CLMN: variants seen among roughly 807,000 people sequenced by gnomAD.
CLMN encodes the protein calmin (calponin-like, transmembrane).
CLMN carries 57 observed loss-of-function variants against 92.7 expected under a neutral mutation model. The ratio of observed to expected loss-of-function variants is 0.61; its 90% CI spans 0.50 to 0.77. CLMN has a LOEUF of 0.77. Ranked by LOEUF, CLMN falls within the 30% of genes least tolerant of loss-of-function variation. CLMN has a pLI of 0.00. For synonymous variants in CLMN, 466 were observed against 470.6 expected, an observed-to-expected ratio of 0.99 and a Z score of 0.13; for missense variants, 1,158 against 1,237.5, an observed-to-expected ratio of 0.94 and a Z score of 0.96.
chr14:95,265,348 C>T (rs1199185586), intron 1 of CLMN, among the ~76,000 whole-genome samples: 1 of 152,224 alleles, frequency 6.6e-6, no homozygotes, highest in East Asian at 1.9e-4. Context: ...GCGTGACCTC[C>T]TCTGAGCAAG....
intron 12 of CLMN, chr14:95,193,290 G>T: frequency 1.4e-6 from 2 of 1,447,814 alleles, no homozygotes; most frequent in South Asian, 1.2e-5. Flanking sequence ...ATTAGGCCAG[G>T]CCAACAGTTC....
chr14:95,199,712 A>G (rs1896822491), intron 9 of CLMN, among the ~76,000 whole-genome samples: 1 of 152,314 alleles, frequency 6.6e-6, no homozygotes, highest in Non-Finnish European at 1.5e-5. Context: ...GGGAGGGAGC[A>G]ATGGCTCTGC....
chr14:95,200,937 G>GT (rs897783282), intron 9 of CLMN, among the ~76,000 whole-genome samples: 2 of 134,440 alleles, frequency 1.5e-5, no homozygotes, highest in African/African-American at 2.8e-5. Flanking sequence ...TACGATGACT[G>GT]TTTTTTTCTT....
At chr14:95,215,545 C>T in intron 5 of CLMN, 96 bp downstream of exon 5, 2 of 996,910 alleles carry the variant, frequency 2.0e-6, no homozygotes, top group South Asian at 1.3e-5. Flanking sequence ...ATAAACTAAG[C>T]CTCACTGCCT....
intron 6 of CLMN, among the ~76,000 whole-genome samples, chr14:95,212,679 G>C (rs973537327): frequency 6.6e-6 from 1 of 152,086 alleles, no homozygotes; most frequent in African/African-American, 2.4e-5. Context: ...AGGCTCCTCT[G>C]ATCTGTATTC....
intron 10 of CLMN, among the ~76,000 whole-genome samples, chr14:95,195,807 G>A (rs548519946): frequency 0.023 from 879 of 38,640 alleles, 8 homozygotes; most frequent in Non-Finnish European, 0.042. Context: ...CTATTGTGAC[G>A]ATGAGAGAGG....
Position 95,225,015 on chromosome 14 carries a change from C to A in CLMN, c.145-1160G>T, listed in dbSNP as rs115274716. 6.1e-3 allele frequency among the ~76,000 whole-genome samples: 921 copies of A among 152,198 alleles called. 9 individuals carry two copies. Among genetic ancestry groups the A allele is most frequent in the African/African-American group, 0.02 (851 of 41,520 alleles). On this transcript the variant is annotated intron_variant, in intron 2 of 12. Transcript: ENST00000298912. ...GAAGGGAAGAAGGCTTTCCTCACCC[C>A]ACGTGTGTAGACTTACTAGGAACTC...
chr14:95,315,098 G>T (rs1313517762), intron 1 of CLMN, among the ~76,000 whole-genome samples: 1 of 152,124 alleles, frequency 6.6e-6, no homozygotes, highest in Non-Finnish European at 1.5e-5. Flanking sequence ...TGAAAGGAAG[G>T]TCTAGAGATA....
At chr14:95,219,981 AAAC>A (rs976102550) in intron 4 of CLMN, among the ~76,000 whole-genome samples, 7 of 152,060 alleles carry the variant, frequency 4.6e-5, no homozygotes, top group East Asian at 1.9e-4. Context: ...CCACAGCCCA[AAAC>A]AACAACTAGT....
chr14:95,236,515 G>T (rs578030863), intron 1 of CLMN, among the ~76,000 whole-genome samples: 72 of 152,392 alleles, frequency 4.7e-4, no homozygotes, highest in African/African-American at 1.6e-3. Flanking sequence ...GGGAGGGGCT[G>T]CTGGCACCCA....
chr14:95,253,091 C>A (rs189285806), intron 1 of CLMN, among the ~76,000 whole-genome samples: 239 of 152,210 alleles, frequency 1.6e-3, no homozygotes, highest in African/African-American at 5.6e-3. Flanking sequence ...CTTGTGTGGA[C>A]CTTGGCAATT....
chr14:95,246,740 T>A (rs1898586940), intron 1 of CLMN, among the ~76,000 whole-genome samples: 2 of 152,226 alleles, frequency 1.3e-5, no homozygotes, highest in Admixed American at 6.5e-5. Context: ...GTGCAGGAAC[T>A]ACAGGCGTGA....
chr14:95,291,928 A>C (rs1465174958), intron 1 of CLMN, among the ~76,000 whole-genome samples: 1 of 152,260 alleles, frequency 6.6e-6, no homozygotes, highest in African/African-American at 2.4e-5. Context: ...AATAGGATCC[A>C]AAATTATATA....
intron 1 of CLMN, 64 bp from the exon 2 acceptor site, chr14:95,230,197 C>T: frequency 6.9e-7 from 1 of 1,451,254 alleles, no homozygotes; most frequent in Non-Finnish European, 9.7e-7. Flanking sequence ...ACACCTTCCC[C>T]TTCCCAAGGG....
At position 95,221,707 on chromosome 14, in the gene CLMN, A is replaced by C; in HGVS notation, c.308T>G (p.Phe103Cys). 6.2e-7 allele frequency: 1 copy of C among 1,613,962 alleles called. No homozygotes were observed. The highest frequency in any genetic ancestry group is 8.5e-7 in the Non-Finnish European group (1 of 1,179,974). ...AACACTTACATTGCTATCTTCCAAA[A>C]ACTTAAGTGCTTTCGCTATGTTGTT... ...RLNNIAKALK[F>C]LEDSNVKLVS... is the part of the protein sequence containing the mutation. The change falls in exon 4 of 13, where the codon TTT becomes TGT. Residue 103 changes from phenylalanine (F) to cysteine (C), a missense_variant. By Grantham distance (205) the Phe-to-Cys change is radical. Transcript: ENST00000298912.
intron 1 of CLMN, among the ~76,000 whole-genome samples, chr14:95,241,528 G>A (rs1283741572): frequency 6.6e-6 from 1 of 152,216 alleles, no homozygotes; most frequent in African/African-American, 2.4e-5. Flanking sequence ...CCAACAAAAA[G>A]TGACAACAGC....
intron 9 of CLMN, among the ~76,000 whole-genome samples, chr14:95,198,191 A>G (rs1346969147): frequency 6.6e-6 from 1 of 151,342 alleles, no homozygotes; most frequent in Non-Finnish European, 1.5e-5. Flanking sequence ...CTGGGATTAC[A>G]GGCACCTGCC....
chr14:95,275,338 G>A (rs1214083177), intron 1 of CLMN, among the ~76,000 whole-genome samples: 1 of 152,128 alleles, frequency 6.6e-6, no homozygotes, highest in Non-Finnish European at 1.5e-5. Context: ...AAGGAGGTTG[G>A]CCAAAACCTC....
chr14:95,194,410 T>C lies in CLMN; in HGVS notation c.2769+126A>G. 1.9e-6 allele frequency: 3 copies of C among 1,547,958 alleles called. No individual in the cohort carries two copies. Among genetic ancestry groups the C allele is most frequent in the Non-Finnish European group, 2.6e-6 (3 of 1,145,988 alleles). ...TAATGATAAGGTTCCAATCTGCTTG[T>C]CTTCTATCCAAAAGTATAGCTGTTG... On this transcript the variant is annotated intron_variant, in intron 11 of 12. Coordinates refer to ENST00000298912, the MANE Select transcript of CLMN (RefSeq NM_024734.4). This position sits in a 1 kb window ranked among gnomAD's most constrained non-coding sequence, Gnocchi z 4.0.
Sources: gnomAD v4.1 joint callset for allele counts (sites outside exome capture counted in the v4.1 genomes callset) on GRCh38, gnomAD v4.1.1 for gene constraint, Gnocchi (gnomAD v3.1) non-coding constraint, MANE v1.5 for transcripts, NCBI Gene and HGNC (gene_info 2026-07-23, HGNC 2026-07-21) for gene names.